Variants in SAMD4B observed in about 807,000 individuals in gnomAD.
The protein encoded by SAMD4B is sterile alpha motif domain containing 4B.
In SAMD4B, 5 loss-of-function variants were observed where a neutral mutation model predicts 74.5. That is an observed-to-expected ratio of 0.07 (90% CI 0.04 to 0.14). The LOEUF is 0.14. SAMD4B is among the 10% of genes least tolerant of loss of function. The probability of loss-of-function intolerance (pLI) is 1.00; values close to 1 mark genes in which losing one functional copy is unlikely to be tolerated. For missense variants in SAMD4B, 608 were observed against 921.8 expected (o/e 0.66, Z 4.41); for synonymous variants, 373 against 374.9 (o/e 1.00, Z 0.06).
chr19:39,380,862 CT>C, intron 11 of SAMD4B, 77 bp downstream of exon 11: 1 of 1,509,960 alleles, frequency 6.6e-7, no homozygotes, highest in Non-Finnish European at 8.9e-7. Context: ...TGCCTGTATA[CT>C]CTGTGTCTGG....
At chr19:39,355,860 G>C (rs1035954206) in intron 2 of SAMD4B, among the ~76,000 whole-genome samples, 2 of 152,168 alleles carry the variant, frequency 1.3e-5, no homozygotes, top group Non-Finnish European at 2.9e-5. Context: ...AGACAAGCTG[G>C]CATCTCTGGA....
rs188956486 is a variant in SAMD4B at position 39,356,859 on chromosome 19, C to T, written c.-35C>T. ...ATGTGACGGCGCTGGCCCTCGCCAC[C>T]GCCGTCCCCCGACCCTGGCCCCAGG... On this transcript the variant is annotated 5_prime_UTR_variant, in exon 3 of 14. Coordinates refer to ENST00000610417, the MANE Select transcript of SAMD4B (RefSeq NM_001384574.2). The T allele has an allele frequency of 4.7e-5, 74 of 1,567,262 alleles. No homozygotes were observed. The Middle Eastern group carries it at 6.8e-4, about 14-fold the overall frequency.
At chr19:39,387,487 G>A (rs915793313), downstream of SAMD4B, among the ~76,000 whole-genome samples, 10 of 152,178 alleles carry the variant, frequency 6.6e-5, no homozygotes, top group Non-Finnish European at 1.3e-4. Flanking sequence ...GAAGTGAATA[G>A]TGCCCTCCAT....
chr19:39,388,272 C>T, downstream of SAMD4B: 1 of 1,554,282 alleles, frequency 6.4e-7, no homozygotes, highest in Non-Finnish European at 8.9e-7. Context: ...TCCAAGGTGG[C>T]TCTTGCATGC....
chr19:39,382,762 C>A (rs2145890256), intron 12 of SAMD4B, among the ~76,000 whole-genome samples: 1 of 152,314 alleles, frequency 6.6e-6, no homozygotes, highest in East Asian at 1.9e-4. Context: ...TGGATTGAAT[C>A]CTGCCCAGAG....
chr19:39,381,319 C>T, intron 12 of SAMD4B: 1 of 551,572 alleles, frequency 1.8e-6, no homozygotes, highest in Non-Finnish European at 3.1e-6. Context: ...TTGCCCCCAC[C>T]CCTCTGAGTC....
intron 2 of SAMD4B, among the ~76,000 whole-genome samples, chr19:39,355,505 G>A (rs2076294903): frequency 6.6e-6 from 1 of 152,176 alleles, no homozygotes; most frequent in South Asian, 2.1e-4. Flanking sequence ...ATGGGTCTTT[G>A]TATGAAGTTC....
rs2077622861 is a variant in SAMD4B at position 39,376,782 on chromosome 19, C to A, written c.1095C>A (p.Ser365=). ...KLRERQSVLK[S]LEKDVLEGGN... is the part of the protein sequence containing the mutation. ...GTGAGAGACAGAGCGTCCTCAAGTC[C>A]CTAGAGAAGGTGAGGACCTGGTTTC... Residue 365 remains serine, a synonymous_variant, in exon 7 of 14, where the codon TCC becomes TCA. Transcript: ENST00000610417. The A allele has an allele frequency of 6.2e-6, 10 of 1,613,966 alleles. No individual in the cohort carries two copies. The East Asian group carries it at 2.2e-4, about 36-fold the overall frequency.
rs1375394529 is a variant in SAMD4B at position 39,369,848 on chromosome 19, C to T, written c.390C>T (p.Leu130=). The T allele has an allele frequency of 6.2e-7, 1 of 1,614,248 alleles. No individual in the cohort carries two copies. Among genetic ancestry groups the T allele is most frequent in the South Asian group, 1.1e-5 (1 of 91,082 alleles). ...GTCGCCAGCTGCTTTCCTATGCCCTCATCCACCCAGCCACCACACTGGAGG... is the reference window on the plus strand; with the variant it reads ...GTCGCCAGCTGCTTTCCTATGCCCTTATCCACCCAGCCACCACACTGGAGG... ...EESRQLLSYA[L]IHPATTLEDR... The change falls in exon 4 of 14, where the codon CTC becomes CTT. Residue 130 remains leucine (L), a synonymous_variant. Coordinates refer to ENST00000610417, the MANE Select transcript of SAMD4B (RefSeq NM_001384574.2).
At chr19:39,349,653 G>A (rs1378871299) in intron 1 of SAMD4B, 1 of 152,112 alleles carries the variant, frequency 6.6e-6, no homozygotes, top group Non-Finnish European at 1.5e-5. Context: ...GTTAACCCTA[G>A]GTAACTAGCC....
intron 1 of SAMD4B, among the ~76,000 whole-genome samples, chr19:39,353,221 T>C (rs1190688078): frequency 5.9e-5 from 9 of 152,172 alleles, no homozygotes; most frequent in African/African-American, 1.9e-4. Context: ...AGGGCAAACA[T>C]TGATAATTAA....
chr19:39,342,458 C>CGGT lies in SAMD4B; in HGVS notation c.-383_-382insTGG. 5.5e-6 allele frequency: 1 copy of CGGT among 180,468 alleles called. No individual in the cohort carries two copies. Among genetic ancestry groups the CGGT allele is most frequent in the Non-Finnish European group, 1.1e-5 (1 of 90,740 alleles). 11.2% of individuals were successfully genotyped at this position (180,468 alleles called of 1,614,324 possible). ...CGCAGCGCGACGGCGGCGGCGGCGG[C>CGGT]GGCGGCGGTGGTCGGTGCGGGAGGA... On this transcript the variant is annotated 5_prime_UTR_variant, in exon 1 of 14. Coordinates refer to ENST00000610417, the MANE Select transcript of SAMD4B (RefSeq NM_001384574.2).
Position 39,378,081 on chromosome 19 carries a change from A to C in SAMD4B, c.1444+257A>C, listed in dbSNP as rs2077712677. ...AGAAATGGGGCAGTGGGTCAGAAGA[A>C]ATTCCATGTAGTAAAGGGTGAGCAG... is the stretch of plus-strand genomic sequence containing the variant. On this transcript the variant is annotated intron_variant, in intron 8 of 13. Coordinates refer to ENST00000610417, the MANE Select transcript of SAMD4B (RefSeq NM_001384574.2). This position sits in a 1 kb window ranked among gnomAD's most constrained non-coding sequence, Gnocchi z 4.4. 6.6e-6 allele frequency among the ~76,000 whole-genome samples: 1 copy of C among 152,178 alleles called. No individual in the cohort carries two copies. The highest frequency in any genetic ancestry group is 2.4e-5 in the African/African-American group (1 of 41,436).
At position 39,376,492 on chromosome 19, in the gene SAMD4B, A is replaced by G. The variant is rs2077606533; in HGVS notation, c.963A>G (p.Ser321=). The change falls in exon 6 of 14, where the codon TCA becomes TCG. Residue 321 remains serine (S), a synonymous_variant. Coordinates refer to ENST00000610417, the MANE Select transcript of SAMD4B (RefSeq NM_001384574.2). ...LRLHKYAALF[S]QMSYEEMMTL... is the part of the protein sequence containing the mutation. ...TGCACAAGTATGCAGCCCTCTTCTC[A>G]CAGATGAGCTACGAGGAGATGATGA... 1.2e-6 allele frequency: 2 copies of G among 1,613,604 alleles called. No individual in the cohort carries two copies. The highest frequency in any genetic ancestry group is 1.3e-5 in the African/African-American group (1 of 75,028).
chr19:39,366,018 T>C (rs957865876), intron 3 of SAMD4B, among the ~76,000 whole-genome samples: 4 of 151,874 alleles, frequency 2.6e-5, no homozygotes, highest in African/African-American at 9.7e-5. Context: ...TTGGCCAACA[T>C]AGTGAAAAAA....
chr19:39,383,303 C>T lies in SAMD4B; in HGVS notation c.2056+12C>T. On this transcript the variant is annotated intron_variant, in intron 13 of 13. Coordinates refer to ENST00000610417, the MANE Select transcript of SAMD4B (RefSeq NM_001384574.2). The surrounding 1 kb of genome is among the most constrained non-coding windows in gnomAD (Gnocchi z 4.1). ...ACACGCCTTGGGTGGTGAGCATTTCCTCTTTCCCTGACCCAGCTCCCACCT... is the reference window on the plus strand; with the variant it reads ...ACACGCCTTGGGTGGTGAGCATTTCTTCTTTCCCTGACCCAGCTCCCACCT... The T allele has an allele frequency of 6.2e-7, 1 of 1,613,598 alleles. No individual in the cohort carries two copies. Among genetic ancestry groups the T allele is most frequent in the Non-Finnish European group, 8.5e-7 (1 of 1,179,508 alleles).
intron 1 of SAMD4B, among the ~76,000 whole-genome samples, chr19:39,345,305 A>G (rs997905490): frequency 2.6e-5 from 4 of 152,034 alleles, no homozygotes; most frequent in Non-Finnish European, 4.4e-5. Context: ...TTTCTTACCT[A>G]CCTTGAAAGG....
chr19:39,377,247 G>A (rs2077656686), intron 7 of SAMD4B, among the ~76,000 whole-genome samples: 1 of 152,110 alleles, frequency 6.6e-6, no homozygotes, highest in Non-Finnish European at 1.5e-5. Context: ...TTGGGTCCTT[G>A]AGACTCCAAC....
At chr19:39,390,004 G>A (rs1353707818), downstream of SAMD4B, 21 of 1,335,898 alleles carry the variant, frequency 1.6e-5, no homozygotes, top group East Asian at 2.3e-5. Context: ...AGCAGCCAAC[G>A]AGACAAGCAG....
Sources: allele counts gnomAD v4.1 joint callset (sites outside exome capture counted in the v4.1 genomes callset), GRCh38; gene constraint gnomAD v4.1.1; non-coding constraint Gnocchi (gnomAD v3.1); transcripts MANE v1.5; gene names NCBI Gene and HGNC (gene_info 2026-07-23, HGNC 2026-07-21).